The following TCF7L2 variants were observed in gnomAD, a reference collection of about 807,000 sequenced individuals.
TCF7L2 encodes the protein transcription factor 7 like 2.
TCF7L2 carries 23 observed loss-of-function variants against 77.9 expected under a neutral mutation model. That is an observed-to-expected ratio of 0.30 (90% CI 0.21 to 0.42). TCF7L2 has a LOEUF of 0.42. Ranked by LOEUF, TCF7L2 falls within the 10% of genes least tolerant of loss-of-function variation. The pLI is 1.00. For missense variants in TCF7L2, 654 were observed against 793.1 expected, an observed-to-expected ratio of 0.82 and a Z score of 2.11; for synonymous variants, 413 against 340.2, an observed-to-expected ratio of 1.21 and a Z score of -2.36.
At chr10:112,995,386 T>G (rs1425734941) in intron 4 of TCF7L2, among the ~76,000 whole-genome samples, 1 of 152,154 alleles carries the variant, frequency 6.6e-6, no homozygotes, top group Non-Finnish European at 1.5e-5. Flanking sequence ...GTTGCTTGGT[T>G]GTTGTTTCTC....
At chr10:113,148,264 C>T (rs2069929403) in intron 8 of TCF7L2, among the ~76,000 whole-genome samples, 2 of 152,178 alleles carry the variant, frequency 1.3e-5, no homozygotes, top group South Asian at 4.1e-4. Context: ...GGCCCTCAGC[C>T]TGCTAAATTG....
chr10:113,028,682 A>G (rs1304884350), intron 4 of TCF7L2, among the ~76,000 whole-genome samples: 1 of 152,214 alleles, frequency 6.6e-6, no homozygotes, highest in African/African-American at 2.4e-5. Flanking sequence ...TTGACCGCCA[A>G]GTCTTTCGTT....
At chr10:113,008,081 C>T (rs1171782617) in intron 4 of TCF7L2, among the ~76,000 whole-genome samples, 3 of 152,206 alleles carry the variant, frequency 2.0e-5, no homozygotes, top group Non-Finnish European at 1.5e-5. Context: ...AGCGACCCAT[C>T]GTCTTCTCCA....
chr10:113,095,491 G>A (rs913428959), intron 5 of TCF7L2, among the ~76,000 whole-genome samples: 2 of 152,152 alleles, frequency 1.3e-5, no homozygotes, highest in Admixed American at 6.5e-5. Flanking sequence ...CAACCGCCGT[G>A]GTAGCATCAG....
At chr10:113,094,367 T>C (rs1006275154) in intron 5 of TCF7L2, among the ~76,000 whole-genome samples, 1 of 152,224 alleles carries the variant, frequency 6.6e-6, no homozygotes, top group Non-Finnish European at 1.5e-5. Context: ...GAAACAAATA[T>C]AGATATTGCT....
At chr10:113,014,611 C>T (rs1411917164) in intron 4 of TCF7L2, among the ~76,000 whole-genome samples, 1 of 151,714 alleles carries the variant, frequency 6.6e-6, no homozygotes, top group Non-Finnish European at 1.5e-5. Flanking sequence ...ATGGCGAAAC[C>T]CCGTCTCTAC....
intron 4 of TCF7L2, among the ~76,000 whole-genome samples, chr10:113,020,650 A>C (rs1022759349): frequency 6.6e-6 from 1 of 152,160 alleles, no homozygotes; most frequent in Non-Finnish European, 1.5e-5. Context: ...TTTACAGTCT[A>C]AGTACTTTTC....
chr10:113,108,418 A>T (rs1400123149), intron 5 of TCF7L2, among the ~76,000 whole-genome samples: 1 of 151,314 alleles, frequency 6.6e-6, no homozygotes, highest in East Asian at 2.0e-4. Flanking sequence ...GCAATCGCTC[A>T]TGGTGGGGGA....
intron 5 of TCF7L2, among the ~76,000 whole-genome samples, chr10:113,097,890 A>G (rs1055218123): frequency 6.6e-6 from 1 of 151,310 alleles, no homozygotes; most frequent in African/African-American, 2.4e-5. Context: ...TGTCTTTGCT[A>G]AAAACAGAAA....
intron 3 of TCF7L2, among the ~76,000 whole-genome samples, chr10:112,961,088 A>T (rs1214784004): frequency 6.6e-6 from 1 of 151,496 alleles, no homozygotes; most frequent in Non-Finnish European, 1.5e-5. Context: ...GATCTCGCTC[A>T]CCGCAACCTC....
Position 113,152,341 on chromosome 10 carries a change from A to G in TCF7L2, c.1170A>G (p.Ala390=). Residue 390 remains alanine, a synonymous_variant, in exon 11 of 14, where the codon GCA becomes GCG. Transcript: ENST00000627217. ...CCCCACGTCCCCTCCAGTGGCATGC[A>G]CTGTCCAGAGAAGAGCAAGCGAAAT... is the stretch of plus-strand genomic sequence containing the variant. The G allele has an allele frequency of 6.2e-7, 1 of 1,613,842 alleles. No homozygotes were observed. Among genetic ancestry groups the G allele is most frequent in the Non-Finnish European group, 8.5e-7 (1 of 1,179,786 alleles).
intron 5 of TCF7L2, among the ~76,000 whole-genome samples, chr10:113,096,149 T>G (rs2060944457): frequency 6.6e-6 from 1 of 152,174 alleles, no homozygotes; most frequent in South Asian, 2.1e-4. Flanking sequence ...AATATGCAGT[T>G]AGCACTTAGG....
intron 3 of TCF7L2, among the ~76,000 whole-genome samples, chr10:112,962,623 A>T (rs2035549298): frequency 6.6e-6 from 1 of 152,170 alleles, no homozygotes; most frequent in Non-Finnish European, 1.5e-5. Context: ...TTTGAGATGG[A>T]GTCTCACTCT....
chr10:112,971,245 G>A (rs185777423), intron 4 of TCF7L2, among the ~76,000 whole-genome samples: 104 of 152,168 alleles, frequency 6.8e-4, no homozygotes, highest in Non-Finnish European at 1.0e-3. Flanking sequence ...TAAACACCCC[G>A]TTCCCAAACT....
chr10:113,007,759 G>T (rs1458927938), intron 4 of TCF7L2, among the ~76,000 whole-genome samples: 1 of 152,202 alleles, frequency 6.6e-6, no homozygotes, highest in Non-Finnish European at 1.5e-5. Flanking sequence ...TTGTAGGAGG[G>T]CATGATGAGG....
chr10:113,065,047 TA>T (rs1351837768), intron 5 of TCF7L2, among the ~76,000 whole-genome samples: 1 of 150,558 alleles, frequency 6.6e-6, no homozygotes, highest in Non-Finnish European at 1.5e-5. Flanking sequence ...TCCCATTCCA[TA>T]GGGAAAAAAG....
At chr10:113,126,919 C>T in intron 5 of TCF7L2, 6 of 985,434 alleles carry the variant, frequency 6.1e-6, no homozygotes, top group Non-Finnish European at 7.2e-6. Flanking sequence ...GGCAGGGGTG[C>T]GCGGTGGCCG....
intron 4 of TCF7L2, among the ~76,000 whole-genome samples, chr10:113,015,502 T>C (rs1385765956): frequency 6.9e-6 from 1 of 144,516 alleles, no homozygotes; most frequent in African/African-American, 2.6e-5. Flanking sequence ...CAGGCTGGAG[T>C]GCAGTGGCAT....
At chr10:112,968,183 C>T (rs1589796889) in intron 4 of TCF7L2, among the ~76,000 whole-genome samples, 1 of 152,144 alleles carries the variant, frequency 6.6e-6, no homozygotes. Context: ...TTGAGCCGCT[C>T]AGTCTCTGTT....
Sources: gnomAD v4.1 joint callset for allele counts (sites outside exome capture counted in the v4.1 genomes callset) on GRCh38, gnomAD v4.1.1 for gene constraint, MANE v1.5 for transcripts, NCBI Gene and HGNC (gene_info 2026-07-23, HGNC 2026-07-21) for gene names.